DTNA: variants seen among roughly 807,000 people sequenced by gnomAD.
DTNA encodes dystrobrevin alpha.
In DTNA, 43 loss-of-function variants were observed where a neutral mutation model predicts 100.7. The observed-to-expected ratio is 0.43, with a 90% CI of 0.33 to 0.55. The LOEUF (loss-of-function observed/expected upper bound fraction) is 0.55. DTNA is among the 20% of genes least tolerant of loss of function. DTNA has a pLI of 0.04. For missense variants in DTNA, 798 were observed against 953.9 expected (o/e 0.84, Z 2.15); for synonymous variants, 349 against 347.9 (o/e 1.00, Z -0.04).
intron 1 of DTNA, among the ~76,000 whole-genome samples, chr18:34,655,109 A>G (rs2074180154): frequency 6.6e-6 from 1 of 152,148 alleles, no homozygotes; most frequent in Non-Finnish European, 1.5e-5. Flanking sequence ...ATATGCAGGC[A>G]ATATATGATA....
At chr18:34,583,661 G>T (rs1352567041) in intron 1 of DTNA, among the ~76,000 whole-genome samples, 1 of 151,894 alleles carries the variant, frequency 6.6e-6, no homozygotes, top group African/African-American at 2.4e-5. Flanking sequence ...AGAAACCCAG[G>T]TGTCTGCAGA....
intron 1 of DTNA, among the ~76,000 whole-genome samples, chr18:34,595,669 A>G (rs187994918): frequency 6.6e-6 from 1 of 152,108 alleles, no homozygotes; most frequent in Non-Finnish European, 1.5e-5. Flanking sequence ...ATGGTGTCTT[A>G]ATTTCTTGGT....
chr18:34,746,184 T>TG (rs34514978), intron 1 of DTNA, among the ~76,000 whole-genome samples: 11,434 of 149,738 alleles, frequency 0.076, 492 homozygotes, highest in African/African-American at 0.1. Context: ...TCTTCTAATT[T>TG]GGGGGGGGGA....
intron 1 of DTNA, among the ~76,000 whole-genome samples, chr18:34,752,429 T>C (rs922146829): frequency 3.3e-5 from 5 of 152,198 alleles, no homozygotes; most frequent in African/African-American, 1.2e-4. Context: ...GAGAGTTAAA[T>C]TGGAAACCAA....
At chr18:34,616,050 C>T (rs1449394986) in intron 1 of DTNA, among the ~76,000 whole-genome samples, 1 of 152,180 alleles carries the variant, frequency 6.6e-6, no homozygotes, top group Non-Finnish European at 1.5e-5. Flanking sequence ...AGTTAACATA[C>T]ATGTGCATGT....
In DTNA at chr18:34,550,477, C is replaced by T. The variant is rs115175329; in HGVS notation, c.-2+56963C>T. Among the ~76,000 whole-genome samples, 501 of 152,234 alleles carry T rather than the reference C, an allele frequency of 3.3e-3. 1 individual carries two copies. Among genetic ancestry groups the T allele is most frequent in the African/African-American group, 0.012 (481 of 41,556 alleles). On this transcript the variant is annotated intron_variant, in intron 1 of 19. Coordinates refer to the DTNA transcript ENST00000283365. Reference sequence around the variant, plus strand: ...CCAGATTTTAACTTAACAGCTGTGTCACATCAGGGTGGTGAGCAGGTGAAT... The same window carrying T: ...CCAGATTTTAACTTAACAGCTGTGTTACATCAGGGTGGTGAGCAGGTGAAT...
At chr18:34,885,542 C>A (rs2096913999) in intron 22 of DTNA, among the ~76,000 whole-genome samples, 1 of 152,190 alleles carries the variant, frequency 6.6e-6, no homozygotes, top group Non-Finnish European at 1.5e-5. Flanking sequence ...CAAATCCTAA[C>A]AGCAGAACTT....
intron 1 of DTNA, among the ~76,000 whole-genome samples, chr18:34,598,494 G>A (rs1335381934): frequency 6.6e-6 from 1 of 152,166 alleles, no homozygotes; most frequent in African/African-American, 2.4e-5. Flanking sequence ...AAATCACAGT[G>A]TGGTGCTACA....
chr18:34,647,905 A>G (rs1302548573), intron 1 of DTNA, among the ~76,000 whole-genome samples: 1 of 152,228 alleles, frequency 6.6e-6, no homozygotes, highest in Non-Finnish European at 1.5e-5. Flanking sequence ...ACCTCCATGG[A>G]TGAATGAATG....
chr18:34,535,998 T>C (rs2043670440), intron 1 of DTNA, among the ~76,000 whole-genome samples: 1 of 152,098 alleles, frequency 6.6e-6, no homozygotes, highest in African/African-American at 2.4e-5. Context: ...CTTCTGAAAC[T>C]TTATGCTTCT....
intron 3 of DTNA, among the ~76,000 whole-genome samples, chr18:34,773,377 C>G (rs563594924): frequency 4.4e-4 from 67 of 152,190 alleles, no homozygotes; most frequent in African/African-American, 1.6e-3. Context: ...AAGTCGGAAA[C>G]ACAGGCAAGA....
chr18:34,703,433 T>C (rs1214968131), intron 1 of DTNA, among the ~76,000 whole-genome samples: 1 of 152,240 alleles, frequency 6.6e-6, no homozygotes, highest in Admixed American at 6.5e-5. Flanking sequence ...TTCACTGGGA[T>C]ATACTTGCAA....
intron 1 of DTNA, among the ~76,000 whole-genome samples, chr18:34,711,621 A>G (rs1249418906): frequency 6.6e-6 from 1 of 152,224 alleles, no homozygotes; most frequent in African/African-American, 2.4e-5. Flanking sequence ...TAATTAGGAT[A>G]AAAGCCAATA....
At chr18:34,657,587 T>A (rs2074572418) in intron 1 of DTNA, among the ~76,000 whole-genome samples, 1 of 152,166 alleles carries the variant, frequency 6.6e-6, no homozygotes, top group African/African-American at 2.4e-5. Flanking sequence ...CCATTTAATT[T>A]TTCTTTAAAA....
At chr18:34,848,027 T>G (rs556544998) in intron 13 of DTNA, among the ~76,000 whole-genome samples, 4 of 152,216 alleles carry the variant, frequency 2.6e-5, no homozygotes, top group Non-Finnish European at 4.4e-5. Flanking sequence ...TCTGATCAGA[T>G]GTATTGATCA....
At chr18:34,696,301 G>A (rs953059062) in intron 1 of DTNA, among the ~76,000 whole-genome samples, 11 of 152,144 alleles carry the variant, frequency 7.2e-5, no homozygotes, top group Admixed American at 4.6e-4. Flanking sequence ...AAGATAGGCC[G>A]GGCATGGTGG....
chr18:34,613,134 G>A (rs2054561585), intron 1 of DTNA, among the ~76,000 whole-genome samples: 1 of 152,088 alleles, frequency 6.6e-6, no homozygotes, highest in African/African-American at 2.4e-5. Context: ...TGATTATGGT[G>A]ATCTACAACT....
chr18:34,865,132 A>G (rs1243527060), intron 17 of DTNA, among the ~76,000 whole-genome samples: 3 of 152,218 alleles, frequency 2.0e-5, no homozygotes, highest in Admixed American at 1.3e-4. Flanking sequence ...GGAGAATGGT[A>G]AAGGGAAGAC....
intron 1 of DTNA, among the ~76,000 whole-genome samples, chr18:34,503,699 T>A (rs1181202018): frequency 6.6e-6 from 1 of 151,944 alleles, no homozygotes; most frequent in Non-Finnish European, 1.5e-5. Context: ...AAATCTGCCA[T>A]TTTTTGTTTG....
Sources: gnomAD v4.1 joint callset for allele counts (sites outside exome capture counted in the v4.1 genomes callset) on GRCh38, gnomAD v4.1.1 for gene constraint, MANE v1.5 for transcripts, NCBI Gene and HGNC (gene_info 2026-07-23, HGNC 2026-07-21) for gene names.